Variants in CPSF7 observed in about 807,000 individuals in gnomAD.
The protein encoded by CPSF7 is cleavage and polyadenylation specific factor 7, also known as cleavage and polyadenylation specificity factor subunit 7.
In CPSF7, 1 loss-of-function variant was observed where a neutral mutation model predicts 44.3. The ratio of observed to expected loss-of-function variants is 0.02; its 90% CI spans 0.01 to 0.11. The LOEUF is 0.11. CPSF7 is among the 10% of genes least tolerant of loss of function. The probability of loss-of-function intolerance (pLI) is 1.00; values close to 1 mark genes in which losing one functional copy is unlikely to be tolerated. For missense variants in CPSF7, 443 were observed against 607.2 expected (o/e 0.73, Z 2.84); for synonymous variants, 202 against 222.0 (o/e 0.91, Z 0.80).
chr11:61,429,901 G>A lies in CPSF7; in HGVS notation c.-56+13C>T, dbSNP rs1206719712. ...TCCGGCCCAACCTGCCCCCGACCGC[G>A]CGCCCCCGTTACCGGGAATATGGCG... On this transcript the variant is annotated intron_variant, in intron 1 of 9. Coordinates refer to ENST00000439958, the MANE Select transcript of CPSF7 (RefSeq NM_001142565.3). 6.6e-7 allele frequency: 1 copy of A among 1,506,600 alleles called. No individual in the cohort carries two copies. The highest frequency in any genetic ancestry group is 8.9e-7 in the Non-Finnish European group (1 of 1,124,164). The allele number at this position is 1,506,600 out of a possible 1,614,324, so 93.3% of individuals were successfully genotyped here.
chr11:61,421,386 T>G lies in CPSF7; in HGVS notation c.273+4A>C, dbSNP rs757974340. 5 of 1,613,428 alleles carry G rather than the reference T, an allele frequency of 3.1e-6. No homozygotes were observed. Among genetic ancestry groups the G allele is most frequent in the Non-Finnish European group, 4.2e-6 (5 of 1,179,568 alleles). ...CCTAAGCATTTTTGGTTACCCACAC[T>G]CACCCAGGAGAAGCTGCCCACATAA... On this transcript the variant is annotated splice_donor_region_variant and intron_variant, in intron 3 of 9. Coordinates refer to ENST00000439958, the MANE Select transcript of CPSF7 (RefSeq NM_001142565.3).
intron 7 of CPSF7, among the ~76,000 whole-genome samples, chr11:61,414,148 ATTTT>A (rs11420964): frequency 3.6e-4 from 48 of 132,646 alleles, no homozygotes; most frequent in African/African-American, 1.4e-3. Context: ...AAAAAGACTA[ATTTT>A]TTTTTTTTTT....
chr11:61,416,139 T>C lies in CPSF7; in HGVS notation c.904A>G (p.Met302Val), dbSNP rs143271041. Residue 302 changes from methionine (M) to valine (V), a missense_variant, in exon 6 of 10, where the codon ATG becomes GTG. By Grantham distance (21) the Met-to-Val change is conservative. Coordinates refer to ENST00000439958, the MANE Select transcript of CPSF7 (RefSeq NM_001142565.3). ...ATVGPPPDTY[M>V]KASAPYNHHG... is the part of the protein sequence containing the mutation. ...TGGTTATAGGGGGCAGAGGCCTTCA[T>C]GTAAGTATCTGGTGGAGGCCCCACT... 3.2e-5 allele frequency: 49 copies of C among 1,509,050 alleles called. No homozygotes were observed. The highest frequency in any genetic ancestry group is 4.2e-5 in the Non-Finnish European group (47 of 1,130,768). 93.5% of individuals were successfully genotyped at this position (1,509,050 alleles called of 1,614,324 possible).
Position 61,404,566 on chromosome 11 carries a change from G to A in CPSF7, c.*144C>T, listed in dbSNP as rs1859136335. The A allele has an allele frequency of 6.6e-6, 1 of 152,374 alleles. No individual in the cohort carries two copies. Among genetic ancestry groups the A allele is most frequent in the African/African-American group, 2.4e-5 (1 of 41,420 alleles). 9.4% of individuals were successfully genotyped at this position (152,374 alleles called of 1,614,324 possible). On this transcript the variant is annotated 3_prime_UTR_variant, in exon 10 of 10. Transcript: ENST00000439958. Reference sequence around the variant, plus strand: ...AAGCAGTCTTCAATCCTGTGGGGCAGAGGGTATTCCCTGGGTGTCTGGAGG... The same window carrying A: ...AAGCAGTCTTCAATCCTGTGGGGCAAAGGGTATTCCCTGGGTGTCTGGAGG...
chr11:61,412,330 C>T (rs1173090677), intron 7 of CPSF7, among the ~76,000 whole-genome samples: 1 of 151,218 alleles, frequency 6.6e-6, no homozygotes, highest in African/African-American at 2.4e-5. Context: ...ACTCTGTTGC[C>T]CAGGCTGGAG....
At chr11:61,409,664 GTT>G (rs71046721) in intron 9 of CPSF7, among the ~76,000 whole-genome samples, 100 of 145,764 alleles carry the variant, frequency 6.9e-4, no homozygotes, top group Admixed American at 2.2e-3. Context: ...TAAATAAACC[GTT>G]TTTTTTTTTT....
At chr11:61,411,678 C>T in intron 8 of CPSF7, 91 bp downstream of exon 8, 1 of 1,247,248 alleles carries the variant, frequency 8.0e-7, no homozygotes, top group East Asian at 2.4e-5. Flanking sequence ...CAGGTCTTTC[C>T]CAGATTCCCT....
At position 61,429,465 on chromosome 11, in the gene CPSF7, C is replaced by T. The variant is rs1053949466; in HGVS notation, c.-55-175G>A. On this transcript the variant is annotated intron_variant, in intron 1 of 9. Transcript: ENST00000439958. The stretch of plus-strand genomic sequence containing the variant: ...CGCCGCCCACCGCTCTCCCAGGCCG[C>T]CGGGGGTCGCTGCCCATCACCCTCG... 9.7e-6 allele frequency: 5 copies of T among 515,680 alleles called. No homozygotes were observed. In the Middle Eastern group the frequency reaches 2.1e-3, roughly 212 times the overall value. 31.9% of individuals were successfully genotyped at this position (515,680 alleles called of 1,614,324 possible).
chr11:61,427,658 A>G (rs914751381), intron 2 of CPSF7, among the ~76,000 whole-genome samples: 4 of 151,368 alleles, frequency 2.6e-5, no homozygotes, highest in Non-Finnish European at 4.4e-5. Context: ...GTCTCAAGAA[A>G]AAAAAAAAAA....
chr11:61,423,750 G>A (rs1035216578), intron 2 of CPSF7, among the ~76,000 whole-genome samples: 4 of 152,062 alleles, frequency 2.6e-5, no homozygotes, highest in Admixed American at 2.0e-4. Flanking sequence ...CCAATATCAC[G>A]GCAATAACTG....
At chr11:61,414,986 T>C (rs765388731) in intron 7 of CPSF7, among the ~76,000 whole-genome samples, 14 of 152,138 alleles carry the variant, frequency 9.2e-5, no homozygotes, top group South Asian at 4.1e-4. Flanking sequence ...CCTGTAATCC[T>C]AGCACTTTGG....
At chr11:61,422,528 G>A (rs1186549879) in intron 2 of CPSF7, among the ~76,000 whole-genome samples, 8 of 152,008 alleles carry the variant, frequency 5.3e-5, no homozygotes, top group Non-Finnish European at 1.2e-4. Context: ...TGTTGCCCAG[G>A]CTAGTCTGGA....
intron 9 of CPSF7, among the ~76,000 whole-genome samples, chr11:61,405,650 G>GGA (rs1859246249): frequency 6.6e-6 from 1 of 152,194 alleles, no homozygotes; most frequent in Non-Finnish European, 1.5e-5. Flanking sequence ...GGGAAAATGA[G>GGA]GAATTAGAAT....
chr11:61,414,497 A>G (rs1860138100), intron 7 of CPSF7, among the ~76,000 whole-genome samples: 1 of 152,220 alleles, frequency 6.6e-6, no homozygotes, highest in Non-Finnish European at 1.5e-5. Context: ...GTGGGAAAAA[A>G]ATGAAGGGAA....
Position 61,429,954 on chromosome 11 carries a change from C to T in CPSF7, c.-96G>A. 1 of 1,350,836 alleles carries T rather than the reference C, an allele frequency of 7.4e-7. No homozygotes were observed. The highest frequency in any genetic ancestry group is 2.6e-5 in the East Asian group (1 of 38,696). The allele number at this position is 1,350,836 out of a possible 1,614,324, so 83.7% of individuals were successfully genotyped here. A position where few individuals can be genotyped will look rare whatever the true frequency, so the allele number is the denominator to read the frequency against. On this transcript the variant is annotated 5_prime_UTR_variant, in exon 1 of 10. Transcript: ENST00000439958. ...GGCGGCGGCGAGTCCGGACTAGGCCCGAAGCGCGCGAACCGCTCTCCGCCC... is the reference window on the plus strand; with the variant it reads ...GGCGGCGGCGAGTCCGGACTAGGCCTGAAGCGCGCGAACCGCTCTCCGCCC...
At chr11:61,407,989 T>C (rs897610034) in intron 9 of CPSF7, among the ~76,000 whole-genome samples, 10 of 152,116 alleles carry the variant, frequency 6.6e-5, no homozygotes, top group African/African-American at 2.4e-4. Flanking sequence ...AGAACTACTA[T>C]TCTTTCCCCT....
rs1295889390 is a variant in CPSF7, at chr11:61,415,672, T to C, written c.1051A>G (p.Ser351Gly). The change falls in exon 7 of 10, where the codon AGT becomes GGT. Residue 351 changes from serine to glycine, a missense_variant. By Grantham distance (56) the Ser-to-Gly change is moderately conservative. Coordinates refer to ENST00000439958, the MANE Select transcript of CPSF7 (RefSeq NM_001142565.3). ...SAISKAVSGA[S>G]AGDYSDAIET... ...AAGGTAAGCACTGAGTTACCTGCAC[T>C]GGCTCCAGATACTGCTTTGGAAATG... The C allele has an allele frequency of 1.9e-6, 3 of 1,606,424 alleles. No individual in the cohort carries two copies. Among genetic ancestry groups the C allele is most frequent in the South Asian group, 1.1e-5 (1 of 90,912 alleles).
intron 9 of CPSF7, among the ~76,000 whole-genome samples, chr11:61,409,883 T>G (rs1033345402): frequency 6.6e-6 from 1 of 152,054 alleles, no homozygotes; most frequent in South Asian, 2.1e-4. Context: ...TGAGGCAGAA[T>G]AGCTTGAACC....
intron 8 of CPSF7, among the ~76,000 whole-genome samples, chr11:61,411,401 T>C (rs1859836042): frequency 6.6e-6 from 1 of 152,180 alleles, no homozygotes; most frequent in Admixed American, 6.5e-5. Flanking sequence ...GTCCCTTTTT[T>C]AGAAAATGAG....
Sources: allele counts gnomAD v4.1 joint callset (sites outside exome capture counted in the v4.1 genomes callset), GRCh38; gene constraint gnomAD v4.1.1; transcripts MANE v1.5; gene names NCBI Gene and HGNC (gene_info 2026-07-23, HGNC 2026-07-21).